The following ARHGEF10L variants were observed in gnomAD, a reference collection of about 807,000 sequenced individuals.
ARHGEF10L encodes the protein Rho guanine nucleotide exchange factor 10 like.
Under a neutral mutation model 141.2 loss-of-function variants are expected in ARHGEF10L, and 69 were observed. That is an observed-to-expected ratio of 0.49 (90% CI 0.40 to 0.60). The LOEUF (loss-of-function observed/expected upper bound fraction) is 0.60, where lower values mean the gene tolerates loss of function less well. ARHGEF10L is among the 20% of genes least tolerant of loss of function. ARHGEF10L has a pLI of 0.00. For missense variants in ARHGEF10L, 1,482 were observed against 1,734.3 expected (o/e 0.85, Z 2.58); for synonymous variants, 711 against 718.5 (o/e 0.99, Z 0.17).
intron 22 of ARHGEF10L, among the ~76,000 whole-genome samples, chr1:17,652,975 C>T (rs2062019418): frequency 6.6e-6 from 1 of 152,206 alleles, no homozygotes; most frequent in African/African-American, 2.4e-5. Context: ...TCCTGCTCAT[C>T]CTTGATGGCT....
rs1333065329 is a variant in ARHGEF10L at position 17,607,441 on chromosome 1, C to G, written c.434-361C>G. Among the ~76,000 whole-genome samples, 1 of 152,190 alleles carries G rather than the reference C, an allele frequency of 6.6e-6. No homozygotes were observed. On this transcript the variant is annotated intron_variant, in intron 6 of 28. Transcript: ENST00000361221. The surrounding 1 kb of genome is among the most constrained non-coding windows in gnomAD (Gnocchi z 4.5). Reference sequence around the variant, plus strand: ...AGTGAGCTATGATTGTACCACTGCACTCCAGCCTGGGCGAGACAATGAGAC... The same window carrying G: ...AGTGAGCTATGATTGTACCACTGCAGTCCAGCCTGGGCGAGACAATGAGAC...
At chr1:17,629,938 C>T (rs77956408) in intron 15 of ARHGEF10L, among the ~76,000 whole-genome samples, 2,994 of 152,304 alleles carry the variant, frequency 0.02, 86 homozygotes, top group African/African-American at 0.067. Context: ...TGGGAAGAGC[C>T]GTTCTGCCCT....
At chr1:17,518,563 G>A in the ARHGEF10L span, among the ~76,000 whole-genome samples, 10 of 151,888 alleles carry the variant, frequency 6.6e-5, no homozygotes, top group Non-Finnish European at 7.4e-5. Context: ...AGGCTGAGGC[G>A]GGCAGATCAC....
chr1:17,657,973 A>G, intron 25 of ARHGEF10L, among the ~76,000 whole-genome samples: 1 of 152,296 alleles, frequency 6.6e-6, no homozygotes, highest in Middle Eastern at 3.4e-3. Context: ...AATGGCAGAC[A>G]TGTAGCGTCG....
Position 17,696,997 on chromosome 1 carries a change from C to G in ARHGEF10L, c.3457C>G (p.His1153Asp). The G allele has an allele frequency of 6.2e-7, 1 of 1,609,818 alleles. No homozygotes were observed. The highest frequency in any genetic ancestry group is 8.5e-7 in the Non-Finnish European group (1 of 1,178,168). The change falls in exon 29 of 29, where the codon CAC becomes GAC. Residue 1153 changes from histidine to aspartate, a missense_variant. Transcript: ENST00000361221. The stretch of plus-strand genomic sequence containing the variant: ...GGAGGACAAGCCAGACGGGCAGGCA[C>G]ACGAGCCCATGCCCGATAGCCACGT... ...AEEDKPDGQA[H>D]EPMPDSHVGR... is the part of the protein sequence containing the mutation.
In ARHGEF10L at chr1:17,656,806, T is replaced by G. The variant is rs963838596; in HGVS notation, c.2860+98T>G. On this transcript the variant is annotated intron_variant, in intron 25 of 28. Transcript: ENST00000361221. The surrounding 1 kb of genome is among the most constrained non-coding windows in gnomAD (Gnocchi z 4.9). Reference sequence around the variant, plus strand: ...GAGGATACAGGAGGCTGGGCAGGAATGAATTGGGAAATCTCAGTGCTGAGG... The same window carrying G: ...GAGGATACAGGAGGCTGGGCAGGAAGGAATTGGGAAATCTCAGTGCTGAGG... The G allele has an allele frequency of 2.1e-6, 3 of 1,434,656 alleles. No homozygotes were observed. The allele number at this position is 1,434,656 out of a possible 1,614,324, so 88.9% of individuals were successfully genotyped here. A position where few individuals can be genotyped will look rare whatever the true frequency, so the allele number is the denominator to read the frequency against.
At chr1:17,666,964 C>T (rs900250084) in intron 26 of ARHGEF10L, among the ~76,000 whole-genome samples, 1 of 151,176 alleles carries the variant, frequency 6.6e-6, no homozygotes, top group African/African-American at 2.5e-5. Flanking sequence ...CTTTCGGGTC[C>T]TCTGACCCAT....
rs1274233129 is a variant in ARHGEF10L at position 17,603,555 on chromosome 1, G to A, written c.397G>A (p.Asp133Asn). The A allele has an allele frequency of 6.8e-6, 11 of 1,613,640 alleles. No individual in the cohort carries two copies. The highest frequency in any genetic ancestry group is 2.2e-5 in the South Asian group (2 of 90,922). The change falls in exon 6 of 29, where the codon GAC becomes AAC. Residue 133 changes from aspartate (D) to asparagine (N), a missense_variant. Coordinates refer to ENST00000361221, the MANE Select transcript of ARHGEF10L (RefSeq NM_018125.4). The surrounding 1 kb of genome is among the most constrained non-coding windows in gnomAD (Gnocchi z 4.8). ...PALEEDVIYDDVPCESPDAHQ... is the reference protein window; with the variant it reads ...PALEEDVIYDNVPCESPDAHQ... The stretch of plus-strand genomic sequence containing the variant: ...CCTGGAAGAGGATGTGATTTATGAC[G>A]ACGTCCCCTGCGAGAGCCCAGATGC...
In ARHGEF10L at chr1:17,587,663, A is replaced by G. The variant is rs2079138636; in HGVS notation, c.223+18A>G. The G allele has an allele frequency of 1.9e-6, 3 of 1,597,058 alleles. No individual in the cohort carries two copies. The highest frequency in any genetic ancestry group is 2.6e-6 in the Non-Finnish European group (3 of 1,170,268). On this transcript the variant is annotated intron_variant, in intron 3 of 28. Transcript: ENST00000361221. ...TGTCACTGGTAAGATGTTTCTGGGA[A>G]CTTCCGGTCCTGGGGCTACAGGGAG...
At chr1:17,635,038 C>T in intron 18 of ARHGEF10L, 22 bp downstream of exon 18, 1 of 1,613,170 alleles carries the variant, frequency 6.2e-7, no homozygotes, top group Non-Finnish European at 8.5e-7. Context: ...CTCTCTGTGC[C>T]CTGCGTTCGT....
intron 26 of ARHGEF10L, among the ~76,000 whole-genome samples, chr1:17,681,195 A>G (rs1367210376): frequency 6.6e-6 from 1 of 152,222 alleles, no homozygotes; most frequent in Non-Finnish European, 1.5e-5. Flanking sequence ...CCCATATTAT[A>G]CATGCACAGA....
At chr1:17,575,941 T>C (rs535755824) in intron 1 of ARHGEF10L, among the ~76,000 whole-genome samples, 1 of 152,266 alleles carries the variant, frequency 6.6e-6, no homozygotes, top group East Asian at 1.9e-4. Context: ...CCAGAACCGA[T>C]TCCTTGCTTC....
chr1:17,684,234 C>T (rs2064377221), intron 26 of ARHGEF10L, among the ~76,000 whole-genome samples: 1 of 152,228 alleles, frequency 6.6e-6, no homozygotes, highest in Non-Finnish European at 1.5e-5. Flanking sequence ...TGGGAGGTTT[C>T]CTTCCTCCTG....
chr1:17,670,106 A>G (rs904729988), intron 26 of ARHGEF10L, among the ~76,000 whole-genome samples: 2 of 152,268 alleles, frequency 1.3e-5, no homozygotes, highest in African/African-American at 2.4e-5. Flanking sequence ...AGCCACGCCT[A>G]GGCCAGAGGC....
At chr1:17,650,136 G>A (rs111326043) in intron 22 of ARHGEF10L, among the ~76,000 whole-genome samples, 2 of 152,318 alleles carry the variant, frequency 1.3e-5, no homozygotes, top group South Asian at 2.1e-4. Flanking sequence ...GGGACTGAGC[G>A]TGGTGGCTCA....
In ARHGEF10L at chr1:17,654,908, C is replaced by T. The variant is rs1184417623; in HGVS notation, c.2481+186C>T. On this transcript the variant is annotated intron_variant, in intron 23 of 28. Coordinates refer to ENST00000361221, the MANE Select transcript of ARHGEF10L (RefSeq NM_018125.4). This position sits in a 1 kb window ranked among gnomAD's most constrained non-coding sequence, Gnocchi z 4.3. ...TTGGAGTTGGGAGGTGCAACCTCATCTGGGGCAACAGAAAACCAGGGAGCT... is the reference window on the plus strand; with the variant it reads ...TTGGAGTTGGGAGGTGCAACCTCATTTGGGGCAACAGAAAACCAGGGAGCT... 1.3e-5 allele frequency among the ~76,000 whole-genome samples: 2 copies of T among 152,176 alleles called. No individual in the cohort carries two copies. The highest frequency in any genetic ancestry group is 3.9e-4 in the East Asian group (2 of 5,194).
chr1:17,617,684 C>T (rs919097851), intron 9 of ARHGEF10L, among the ~76,000 whole-genome samples: 4 of 152,350 alleles, frequency 2.6e-5, no homozygotes, highest in African/African-American at 7.2e-5. Flanking sequence ...ACTTTGAGAG[C>T]CTGTGTCATC....
intron 2 of ARHGEF10L, among the ~76,000 whole-genome samples, chr1:17,581,503 C>T (rs1392286638): frequency 3.3e-5 from 5 of 152,238 alleles, no homozygotes; most frequent in Non-Finnish European, 7.4e-5. Flanking sequence ...GGCTGTTTCA[C>T]CCAGGCAGCA....
chr1:17,663,809 TC>T (rs2062795411), intron 25 of ARHGEF10L, among the ~76,000 whole-genome samples: 2 of 152,180 alleles, frequency 1.3e-5, no homozygotes, highest in South Asian at 4.1e-4. Context: ...GTGCTCAAGG[TC>T]CTTAGCAAGT....
Sources: gnomAD v4.1 joint callset for allele counts (sites outside exome capture counted in the v4.1 genomes callset) on GRCh38, gnomAD v4.1.1 for gene constraint, Gnocchi (gnomAD v3.1) non-coding constraint, MANE v1.5 for transcripts, NCBI Gene and HGNC (gene_info 2026-07-23, HGNC 2026-07-21) for gene names.